Variants in VILL observed in about 807,000 individuals in gnomAD.
VILL encodes villin like.
VILL carries 102 observed loss-of-function variants against 106.3 expected under a neutral mutation model. The observed-to-expected ratio is 0.96, with a 90% CI of 0.82 to 1.13. VILL has a LOEUF of 1.13. Among genes scored for constraint, VILL ranks in the 50% most tolerant of loss-of-function variants. The pLI is 0.00. For synonymous variants in VILL, 431 were observed against 440.3 expected (o/e 0.98, Z 0.27); for missense variants, 1,076 against 1,116.6 (o/e 0.96, Z 0.52).
chr3:38,006,034 G>C (rs1233634088), intron 17 of VILL, 60 bp downstream of exon 17: 13 of 1,590,968 alleles, frequency 8.2e-6, no homozygotes. Flanking sequence ...AACCTGACCT[G>C]GGCCAATGGA....
At chr3:37,996,285 G>C (rs573992265) in intron 5 of VILL, among the ~76,000 whole-genome samples, 1 of 152,102 alleles carries the variant, frequency 6.6e-6, no homozygotes, top group East Asian at 1.9e-4. Flanking sequence ...GCATAACCTC[G>C]CACTCTCTCA....
At chr3:37,991,123 C>G (rs544344120) in intron 1 of VILL, 1 of 152,390 alleles carries the variant, frequency 6.6e-6, no homozygotes, top group Admixed American at 6.5e-5. Context: ...CCTCCTTTCC[C>G]CTCACTCTAG....
chr3:37,998,952 T>A lies in VILL; in HGVS notation c.983T>A (p.Val328Glu), dbSNP rs1699757876. ...QAKGYPTYTN[V>E]EVVNDGAESA... is the part of the protein sequence containing the mutation. Reference sequence around the variant, plus strand: ...AAGGGCTACCCGACCTACACCAACGTGGAGGTGGTGAACGACGGCGCCGAG... The same window carrying A: ...AAGGGCTACCCGACCTACACCAACGAGGAGGTGGTGAACGACGGCGCCGAG... Residue 328 changes from valine to glutamate, a missense_variant, in exon 10 of 20, where the codon GTG (valine) becomes GAG (glutamate). Transcript: ENST00000383759. This position sits in a 1 kb window ranked among gnomAD's most constrained non-coding sequence, Gnocchi z 4.1. 1 of 1,608,496 alleles carries A rather than the reference T, an allele frequency of 6.2e-7. No homozygotes were observed. The highest frequency in any genetic ancestry group is 1.1e-5 in the South Asian group (1 of 90,920).
Position 37,999,070 on chromosome 3 carries a change from C to G in VILL, c.1081+20C>G. On this transcript the variant is annotated intron_variant, in intron 10 of 19. Coordinates refer to ENST00000383759, the MANE Select transcript of VILL (RefSeq NM_015873.4). ...GGAGGGGTGAGCGGGCGGGGCGGGGCTGACGGGGGCGGGGCGGGACTGGCG... is the reference window on the plus strand; with the variant it reads ...GGAGGGGTGAGCGGGCGGGGCGGGGGTGACGGGGGCGGGGCGGGACTGGCG... 1 of 300,446 alleles carries G rather than the reference C, an allele frequency of 3.3e-6. No individual in the cohort carries two copies. The highest frequency in any genetic ancestry group is 5.4e-6 in the Non-Finnish European group (1 of 184,982). The allele number at this position is 300,446 out of a possible 1,614,324, so 18.6% of individuals were successfully genotyped here. A position where few individuals can be genotyped will look rare whatever the true frequency, so the allele number is the denominator to read the frequency against.
At chr3:37,990,402 A>G (rs1699594620), upstream of VILL, among the ~76,000 whole-genome samples, 1 of 152,032 alleles carries the variant, frequency 6.6e-6, no homozygotes, top group Non-Finnish European at 1.5e-5. The surrounding 1 kb of genome is among the most constrained non-coding windows in gnomAD (Gnocchi z 5.1). Context: ...TTCCTCCTAA[A>G]GTTTGCTGGA....
In VILL at chr3:38,001,269, C is replaced by T. The variant is rs529494402; in HGVS notation, c.1183-187C>T. 4.2e-5 allele frequency: 36 copies of T among 854,104 alleles called. No homozygotes were observed. The South Asian group carries it at 6.1e-4, about 14-fold the overall frequency. 52.9% of individuals were successfully genotyped at this position (854,104 alleles called of 1,614,324 possible). A position where few individuals can be genotyped will look rare whatever the true frequency, so the allele number is the denominator to read the frequency against. ...TTTCAGGGGTCCGTGGGGAAAGGGT[C>T]ACCTGCAGATCCTTGTACAAAGCCC... On this transcript the variant is annotated intron_variant, in intron 11 of 19. Coordinates refer to ENST00000383759, the MANE Select transcript of VILL (RefSeq NM_015873.4).
chr3:38,006,692 C>T lies in VILL; in HGVS notation c.2449C>T (p.Arg817Cys), dbSNP rs368805139. 48 of 1,602,524 alleles carry T rather than the reference C, an allele frequency of 3.0e-5. No individual in the cohort carries two copies. Among genetic ancestry groups the T allele is most frequent in the Non-Finnish European group, 3.5e-5 (41 of 1,172,888 alleles). The change falls in exon 19 of 20, where the codon CGC (arginine) becomes TGC (cysteine). Residue 817 changes from arginine to cysteine, a missense_variant. Physicochemically the swap from Arg to Cys is radical, Grantham distance 180. Transcript: ENST00000383759. ...EDLPEGVDPARREFYLSDSDF... is the reference protein window; with the variant it reads ...EDLPEGVDPACREFYLSDSDF... ...CCTGCCAGAGGGCGTGGACCCTGCCCGCAGGGAGGTGGGCACCCCCTCACT... is the reference window on the plus strand; with the variant it reads ...CCTGCCAGAGGGCGTGGACCCTGCCTGCAGGGAGGTGGGCACCCCCTCACT...
Position 37,999,320 on chromosome 3 carries a change from C to T in VILL, c.1082-19C>T. The stretch of plus-strand genomic sequence containing the variant: ...GGGGGGGCAGAGGGCGCCACTGACG[C>T]CTACTGTCCCCCCTTCAGATAAATC... On this transcript the variant is annotated intron_variant, in intron 10 of 19. Transcript: ENST00000383759. The T allele has an allele frequency of 2.0e-6, 3 of 1,501,908 alleles. No individual in the cohort carries two copies. The highest frequency in any genetic ancestry group is 2.7e-6 in the Non-Finnish European group (3 of 1,125,464). The allele number at this position is 1,501,908 out of a possible 1,614,324, so 93.0% of individuals were successfully genotyped here. A position where few individuals can be genotyped will look rare whatever the true frequency, so the allele number is the denominator to read the frequency against.
At chr3:37,999,589 C>T (rs1699777889) in intron 11 of VILL, 150 bp downstream of exon 11, 1 of 556,904 alleles carries the variant, frequency 1.8e-6, no homozygotes, top group Non-Finnish European at 3.0e-6. Flanking sequence ...TTTACATACT[C>T]TCCTAGCAGG....
At chr3:38,002,628 T>G in intron 14 of VILL, 53 bp downstream of exon 14, 11 of 1,573,342 alleles carry the variant, frequency 7.0e-6, no homozygotes, top group Non-Finnish European at 7.8e-6. Flanking sequence ...GGTGCCAGGC[T>G]GGGGGTGGGT....
At position 37,997,738 on chromosome 3, in the gene VILL, T is replaced by A. The variant is rs1445914637; in HGVS notation, c.764+53T>A. The A allele has an allele frequency of 4.7e-5, 73 of 1,558,342 alleles. No homozygotes were observed. Among genetic ancestry groups the A allele is most frequent in the Non-Finnish European group, 6.3e-5 (72 of 1,150,182 alleles). ...GGGTGGGACAGTCCAGGACTCTGTG[T>A]CCATCACTACTGCAATAACACGGCA... On this transcript the variant is annotated intron_variant, in intron 7 of 19. Transcript: ENST00000383759. The surrounding 1 kb of genome is among the most constrained non-coding windows in gnomAD (Gnocchi z 4.7).
chr3:37,988,943 A>G (rs1457996377), upstream of VILL, among the ~76,000 whole-genome samples: 1 of 152,250 alleles, frequency 6.6e-6, no homozygotes, highest in Non-Finnish European at 1.5e-5. Flanking sequence ...CTTGTGAAAA[A>G]AAGATTTTTT....
rs1287351798 is a variant in VILL at position 38,003,236 on chromosome 3, A to G, written c.1728A>G (p.Glu576=). The G allele has an allele frequency of 1.2e-6, 2 of 1,613,828 alleles. No individual in the cohort carries two copies. Among genetic ancestry groups the G allele is most frequent in the Non-Finnish European group, 8.5e-7 (1 of 1,179,938 alleles). Reference sequence around the variant, plus strand: ...CTGTCATTTCCAGGAAGAATGAGGAAACGGTGCTGGAGGGTCAGGAGCCTC... The same window carrying G: ...CTGTCATTTCCAGGAAGAATGAGGAGACGGTGCTGGAGGGTCAGGAGCCTC... ...VVTVISRKNE[E]TVLEGQEPPH... is the part of the protein sequence containing the mutation. The change falls in exon 15 of 20, where the codon GAA becomes GAG. Residue 576 remains glutamate, a synonymous_variant. Transcript: ENST00000383759.
chr3:37,994,151 C>A, intron 3 of VILL, 110 bp from the exon 4 acceptor site: 1 of 1,434,166 alleles, frequency 7.0e-7, no homozygotes, highest in South Asian at 1.2e-5. Context: ...TCCTGATCTC[C>A]GCGGAAGCCC....
At position 37,999,056 on chromosome 3, in the gene VILL, CGGGCG is replaced by C. The variant is rs776657201; in HGVS notation, c.1081+16_1081+20del. ...CCAGAAGCTCGGCGGGAGGGGTGAG[CGGGCG>C]GGGCGGGGCTGACGGGGGCGGGGCG... On this transcript the variant is annotated splice_region_variant and intron_variant, in intron 10 of 19. Coordinates refer to ENST00000383759, the MANE Select transcript of VILL (RefSeq NM_015873.4). The C allele has an allele frequency of 2.1e-5, 8 of 388,198 alleles. No homozygotes were observed. Among genetic ancestry groups the C allele is most frequent in the Non-Finnish European group, 3.3e-5 (8 of 244,450 alleles). 24.0% of individuals were successfully genotyped at this position (388,198 alleles called of 1,614,324 possible).
At chr3:38,006,738 G>A in intron 19 of VILL, 38 bp downstream of exon 19, 1 of 1,571,740 alleles carries the variant, frequency 6.4e-7, no homozygotes, top group East Asian at 2.3e-5. Context: ...TAGTGCATCT[G>A]ACACTGAGCT....
chr3:37,997,948 T>G lies in VILL; in HGVS notation c.765-142T>G, dbSNP rs756786127. On this transcript the variant is annotated intron_variant, in intron 7 of 19. Transcript: ENST00000383759. The surrounding 1 kb of genome is among the most constrained non-coding windows in gnomAD (Gnocchi z 4.7). ...CTAAAGCTCCACAGCAAGGCTGCAGTAAAAGTGAAGACTACAACTCGGGGC... is the reference window on the plus strand; with the variant it reads ...CTAAAGCTCCACAGCAAGGCTGCAGGAAAAGTGAAGACTACAACTCGGGGC... The G allele has an allele frequency of 5.8e-6, 5 of 863,044 alleles. No individual in the cohort carries two copies. Among genetic ancestry groups the G allele is most frequent in the Non-Finnish European group, 8.7e-6 (5 of 571,530 alleles). 53.5% of individuals were successfully genotyped at this position (863,044 alleles called of 1,614,324 possible).
chr3:37,999,365 G>A lies in VILL; in HGVS notation c.1108G>A (p.Val370Met). 1 of 1,514,464 alleles carries A rather than the reference G, an allele frequency of 6.6e-7. No homozygotes were observed. Among genetic ancestry groups the A allele is most frequent in the South Asian group, 1.3e-5 (1 of 76,966 alleles). The allele number at this position is 1,514,464 out of a possible 1,614,324, so 93.8% of individuals were successfully genotyped here. Residue 370 changes from valine to methionine, a missense_variant, in exon 11 of 20, where the codon GTG (valine) becomes ATG (methionine). Val to Met is a conservative substitution (Grantham distance 21). Coordinates refer to ENST00000383759, the MANE Select transcript of VILL (RefSeq NM_015873.4). ...RDKSIHVKLD[V>M]GKLHTQPKLA... ...TAAATCGATTCATGTAAAGCTGGAC[G>A]TGGGCAAGCTGCACACCCAGCCTAA... is the stretch of plus-strand genomic sequence containing the variant.
upstream of VILL, among the ~76,000 whole-genome samples, chr3:37,988,738 T>C (rs1699577088): frequency 2.6e-5 from 4 of 152,178 alleles, no homozygotes; most frequent in Admixed American, 2.6e-4. Flanking sequence ...GGTGCATGCC[T>C]GTAATCCCAG....
Sources: allele counts gnomAD v4.1 joint callset (sites outside exome capture counted in the v4.1 genomes callset), GRCh38; gene constraint gnomAD v4.1.1; non-coding constraint Gnocchi (gnomAD v3.1); transcripts MANE v1.5; gene names NCBI Gene and HGNC (gene_info 2026-07-23, HGNC 2026-07-21).